Variants in HELB observed in about 807,000 individuals in gnomAD.
HELB encodes the protein DNA 5'-3' helicase B.
A neutral mutation model predicts 101.7 loss-of-function variants in HELB; 96 were observed. The observed-to-expected ratio is 0.94, with a 90% confidence interval of 0.80 to 1.12. The LOEUF (loss-of-function observed/expected upper bound fraction) is 1.12. Among genes scored for constraint, HELB ranks in the 50% most tolerant of loss-of-function variants. HELB has a pLI of 0.00. For missense variants in HELB, 1,210 were observed against 1,291.9 expected (o/e 0.94, Z 0.97); for synonymous variants, 437 against 459.7 (o/e 0.95, Z 0.63).
Position 66,305,585 on chromosome 12 carries a change from T to A in HELB, c.607+435T>A, listed in dbSNP as rs190222259. Among the ~76,000 whole-genome samples, 435 of 151,962 alleles carry A rather than the reference T, an allele frequency of 2.9e-3. 1 individual carries two copies. Among genetic ancestry groups the A allele is most frequent in the African/African-American group, 9.4e-3 (388 of 41,468 alleles). On this transcript the variant is annotated intron_variant, in intron 2 of 12. Transcript: ENST00000247815. ...AGTGAGACCTTGTCTCTACAAAAAATTTTTTAAAAATTAGCCAGGTGTGGT... is the reference window on the plus strand; with the variant it reads ...AGTGAGACCTTGTCTCTACAAAAAAATTTTTAAAAATTAGCCAGGTGTGGT...
At chr12:66,319,863 C>G (rs1016444270) in intron 7 of HELB, among the ~76,000 whole-genome samples, 2 of 138,226 alleles carry the variant, frequency 1.4e-5, no homozygotes, top group Admixed American at 7.9e-5. Flanking sequence ...ACATAGTGTT[C>G]TATAATGTGC....
chr12:66,302,813 G>A (rs1248259590), intron 1 of HELB, 23 bp downstream of exon 1: 1 of 1,579,718 alleles, frequency 6.3e-7, no homozygotes, highest in Non-Finnish European at 8.6e-7. Context: ...TCTGCCCGGG[G>A]GATGGGGTTG....
At chr12:66,319,281 G>A (rs1175766899) in intron 7 of HELB, among the ~76,000 whole-genome samples, 2 of 152,192 alleles carry the variant, frequency 1.3e-5, no homozygotes, top group East Asian at 1.9e-4. Context: ...ATGGGTAAAC[G>A]CATGGCTTCT....
At chr12:66,337,457 C>G (rs999090418) in intron 12 of HELB, among the ~76,000 whole-genome samples, 12 of 152,042 alleles carry the variant, frequency 7.9e-5, no homozygotes, top group Admixed American at 7.9e-4. Flanking sequence ...CTTTTCATTT[C>G]TTTATGGTGG....
chr12:66,331,171 A>G lies in HELB; in HGVS notation c.2688A>G (p.Thr896=), dbSNP rs563970152. 6.8e-6 allele frequency: 11 copies of G among 1,607,158 alleles called. No individual in the cohort carries two copies. Among genetic ancestry groups the G allele is most frequent in the Admixed American group, 3.4e-5 (2 of 59,384 alleles). The change falls in exon 12 of 13, where the codon ACA becomes ACG. Residue 896 remains threonine (T), a synonymous_variant. Coordinates refer to ENST00000247815, the MANE Select transcript of HELB (RefSeq NM_001370285.1). ...IHTFQGSEEQ[T]VVYVVGKAGR... The stretch of plus-strand genomic sequence containing the variant: ...CCTGCCAGGGGTCCGAGGAGCAAAC[A>G]GTTGTCTATGTGGTGGGGAAGGCGG...
chr12:66,316,144 G>C (rs2053602286), intron 6 of HELB, among the ~76,000 whole-genome samples: 1 of 152,162 alleles, frequency 6.6e-6, no homozygotes, highest in African/African-American at 2.4e-5. Context: ...ACTTGGTACA[G>C]TAGCATGCTG....
chr12:66,316,815 C>T (rs915213619), intron 6 of HELB, among the ~76,000 whole-genome samples: 26 of 151,768 alleles, frequency 1.7e-4, no homozygotes, highest in Non-Finnish European at 1.5e-4. Context: ...GTCAGGAGAT[C>T]GAGACCATCC....
chr12:66,326,281 C>T (rs969475772), intron 11 of HELB, among the ~76,000 whole-genome samples: 20 of 151,684 alleles, frequency 1.3e-4, no homozygotes, highest in East Asian at 3.9e-4. Flanking sequence ...CTCGCTGTGT[C>T]GCCCAGGCTG....
At chr12:66,337,444 A>G (rs1294687797) in intron 12 of HELB, among the ~76,000 whole-genome samples, 1 of 152,044 alleles carries the variant, frequency 6.6e-6, no homozygotes, top group African/African-American at 2.4e-5. Flanking sequence ...AATTGTGCTT[A>G]CTCTTTTCAT....
In HELB at chr12:66,321,633, G is replaced by A. The variant is rs116754753; in HGVS notation, c.2156-315G>A. ...ATGCTGTTACACACTTTGTACTCTTGTTTATTTCTTAAATTCAGTGTTCAT... is the reference window on the plus strand; with the variant it reads ...ATGCTGTTACACACTTTGTACTCTTATTTATTTCTTAAATTCAGTGTTCAT... On this transcript the variant is annotated intron_variant, in intron 7 of 12. Coordinates refer to ENST00000247815, the MANE Select transcript of HELB (RefSeq NM_001370285.1). 3.0e-3 allele frequency: 825 copies of A among 276,596 alleles called. 10 individuals are homozygous for A. Among genetic ancestry groups the A allele is most frequent in the African/African-American group, 0.018 (786 of 43,530 alleles). The allele number at this position is 276,596 out of a possible 1,614,324, so 17.1% of individuals were successfully genotyped here.
At chr12:66,324,550 A>G (rs2137007926) in intron 10 of HELB, 1 of 258,124 alleles carries the variant, frequency 3.9e-6, no homozygotes, top group Admixed American at 5.0e-5. Context: ...AGATTTTAAA[A>G]AGCATCATTT....
At position 66,331,244 on chromosome 12, in the gene HELB, T is replaced by C; in HGVS notation, c.2761T>C (p.Cys921Arg). The change falls in exon 12 of 13, where the codon TGC (cysteine) becomes CGC (arginine). Residue 921 changes from cysteine (C) to arginine (R), a missense_variant. Cys to Arg is a radical substitution (Grantham distance 180). Transcript: ENST00000247815. ...HVYTAVTRGRCRVYVIAEESQ... is the reference protein window; with the variant it reads ...HVYTAVTRGRRRVYVIAEESQ... ...CTACACCGCCGTGACCAGGGGCCGC[T>C]GCCGAGTGTATGTGATTGCAGAGGA... 6.2e-7 allele frequency: 1 copy of C among 1,614,260 alleles called. No homozygotes were observed. Among genetic ancestry groups the C allele is most frequent in the Non-Finnish European group, 8.5e-7 (1 of 1,180,036 alleles).
intron 4 of HELB, among the ~76,000 whole-genome samples, chr12:66,310,811 A>G (rs7973358): frequency 0.71 from 107,129 of 151,850 alleles, 38,262 homozygotes; most frequent in Middle Eastern, 0.84. Context: ...CACACCTGTA[A>G]TCCCAGCTAC....
chr12:66,338,240 C>A, downstream of HELB: 1 of 641,248 alleles, frequency 1.6e-6, no homozygotes. Flanking sequence ...TGTTTTAAAT[C>A]CATTTCATCA....
chr12:66,337,585 A>C (rs1301227079), intron 12 of HELB, among the ~76,000 whole-genome samples: 1 of 152,092 alleles, frequency 6.6e-6, no homozygotes, highest in Non-Finnish European at 1.5e-5. Context: ...TGGGCAGGCA[A>C]CATGGGCAGT....
chr12:66,319,273 G>A (rs531658264), intron 7 of HELB, among the ~76,000 whole-genome samples: 1 of 152,174 alleles, frequency 6.6e-6, no homozygotes, highest in African/African-American at 2.4e-5. Flanking sequence ...TTTATAAAAT[G>A]GGTAAACGCA....
intron 3 of HELB, among the ~76,000 whole-genome samples, chr12:66,307,835 G>C (rs1359667708): frequency 1.3e-5 from 2 of 150,592 alleles, no homozygotes; most frequent in African/African-American, 4.9e-5. Context: ...GGGTTCAAGC[G>C]ATTCTCCTGC....
At chr12:66,332,181 C>T (rs1209905746) in intron 12 of HELB, among the ~76,000 whole-genome samples, 1 of 152,110 alleles carries the variant, frequency 6.6e-6, no homozygotes, top group Non-Finnish European at 1.5e-5. Flanking sequence ...CTCTCTTTTC[C>T]AATTTCTCCA....
chr12:66,309,711 C>G lies in HELB; in HGVS notation c.783C>G (p.Thr261=), dbSNP rs2053517108. ...HPWKLGFSKI[T]YREWKLLRCE... is the part of the protein sequence containing the mutation. Reference sequence around the variant, plus strand: ...CTGAACTTTATTTCTTAAAGATAACCTACAGAGAGTGGAAACTCCTGCGAT... The same window carrying G: ...CTGAACTTTATTTCTTAAAGATAACGTACAGAGAGTGGAAACTCCTGCGAT... Residue 261 remains threonine, a synonymous_variant, in exon 4 of 13, where the codon ACC becomes ACG. Transcript: ENST00000247815. 3.1e-6 allele frequency: 5 copies of G among 1,600,424 alleles called. No homozygotes were observed. The highest frequency in any genetic ancestry group is 4.3e-6 in the Non-Finnish European group (5 of 1,172,004).
Sources: gnomAD v4.1 joint callset for allele counts (sites outside exome capture counted in the v4.1 genomes callset) on GRCh38, gnomAD v4.1.1 for gene constraint, MANE v1.5 for transcripts, NCBI Gene and HGNC (gene_info 2026-07-23, HGNC 2026-07-21) for gene names.